The following GRAMD1B variants were observed in gnomAD, a reference collection of about 807,000 sequenced individuals.
GRAMD1B encodes the protein GRAM domain containing 1B.
Under a neutral mutation model 99.7 loss-of-function variants are expected in GRAMD1B, and 37 were observed. That is an observed-to-expected ratio of 0.37 (90% confidence interval 0.29 to 0.49). The LOEUF is 0.49. Among genes scored for constraint, GRAMD1B ranks in the 20% least tolerant of loss-of-function variants. GRAMD1B has a pLI of 0.98. For synonymous variants in GRAMD1B, 427 were observed against 387.6 expected, an observed-to-expected ratio of 1.10 and a Z score of -1.19; for missense variants, 888 against 1,009.2, an observed-to-expected ratio of 0.88 and a Z score of 1.63.
chr11:123,514,716 C>T (rs1184060261), intron 2 of GRAMD1B, among the ~76,000 whole-genome samples: 1 of 152,154 alleles, frequency 6.6e-6, no homozygotes, highest in Non-Finnish European at 1.5e-5. Flanking sequence ...ATAGACACTG[C>T]GAACAGCTGA....
chr11:123,612,850 A>T lies in GRAMD1B; in HGVS notation c.2009A>T (p.Tyr670Phe), dbSNP rs1953776073. The change falls in exon 15 of 20, where the codon TAC becomes TTC. Residue 670 changes from tyrosine to phenylalanine, a missense_variant. Transcript: ENST00000635736. ...AACTTCTGGAGTGGGCTGGAGGACT[A>T]CTTCCGCCATTTAGGTGAGCACTGC... is the stretch of plus-strand genomic sequence containing the variant. ...EKNFWSGLED[Y>F]FRHLESELAK... The T allele has an allele frequency of 1.9e-6, 3 of 1,598,044 alleles. No individual in the cohort carries two copies. Among genetic ancestry groups the T allele is most frequent in the African/African-American group, 2.7e-5 (2 of 74,594 alleles).
chr11:123,433,675 CGTGCGTGT>C lies in GRAMD1B; in HGVS notation c.374+2513_374+2520del, dbSNP rs1452176172. ...CCCACCCCCAACGCTTAAAATGTTA[CGTGCGTGT>C]GTGTGTGTGTGTGTGTGTGTGTGTG... On this transcript the variant is annotated intron_variant, in intron 1 of 19. Transcript: ENST00000635736. Among the ~76,000 whole-genome samples, 34 of 97,090 alleles carry C rather than the reference CGTGCGTGT, an allele frequency of 3.5e-4. 1 individual carries two copies. The highest frequency in any genetic ancestry group is 1.4e-3 in the South Asian group (4 of 2,782). 63.7% of individuals were successfully genotyped at this position (97,090 alleles called of 152,430 possible).
chr11:123,578,296 C>A, intron 3 of GRAMD1B: 1 of 869,644 alleles, frequency 1.1e-6, no homozygotes, highest in South Asian at 1.5e-5. Context: ...TTGGGGACCC[C>A]TGGGAGGCAT....
At chr11:123,546,644 A>G (rs1945066719) in intron 2 of GRAMD1B, among the ~76,000 whole-genome samples, 1 of 152,210 alleles carries the variant, frequency 6.6e-6, no homozygotes, top group Non-Finnish European at 1.5e-5. Context: ...CGAGGAGAGA[A>G]TTCTAATGCC....
rs1490027073 is a variant in GRAMD1B, at chr11:123,584,893, C to T, written c.684+561C>T. Among the ~76,000 whole-genome samples the T allele has an allele frequency of 3.9e-5, 6 of 152,228 alleles. No homozygotes were observed. The East Asian group carries it at 9.7e-4, about 24-fold the overall frequency. ...GGCCACTGTCTAGGTCATCCTGGGGCGCCCTGTGCAGCTGCTGCATACCTA... is the reference window on the plus strand; with the variant it reads ...GGCCACTGTCTAGGTCATCCTGGGGTGCCCTGTGCAGCTGCTGCATACCTA... On this transcript the variant is annotated intron_variant, in intron 4 of 19. Transcript: ENST00000635736.
At chr11:123,398,092 A>G (rs1947531280) in intron 1 of GRAMD1B, among the ~76,000 whole-genome samples, 1 of 152,204 alleles carries the variant, frequency 6.6e-6, no homozygotes, top group Non-Finnish European at 1.5e-5. Context: ...CTCTAGAGAA[A>G]ATACTCAGGA....
intron 2 of GRAMD1B, among the ~76,000 whole-genome samples, chr11:123,505,201 A>AT (rs5795375): frequency 0.97 from 146,357 of 150,798 alleles, 71,121 homozygotes; most frequent in Middle Eastern, 1. Flanking sequence ...AAATATATTA[A>AT]TTTTTTTTTA....
chr11:123,514,067 G>A (rs1941433001), intron 2 of GRAMD1B, among the ~76,000 whole-genome samples: 1 of 152,166 alleles, frequency 6.6e-6, no homozygotes, highest in Non-Finnish European at 1.5e-5. Context: ...GTTCAGTATG[G>A]AGAGTTTAGA....
In GRAMD1B at chr11:123,613,605, C is replaced by G. The variant is rs1414178795; in HGVS notation, c.2174C>G (p.Pro725Arg). 1.2e-6 allele frequency: 2 copies of G among 1,613,866 alleles called. No individual in the cohort carries two copies. Among genetic ancestry groups the G allele is most frequent in the South Asian group, 2.2e-5 (2 of 91,054 alleles). ...CCTCACCTGGAAGAGGTGATGAGCCCGGTCACCACGCCCACAGATGAGGAT... is the reference window on the plus strand; with the variant it reads ...CCTCACCTGGAAGAGGTGATGAGCCGGGTCACCACGCCCACAGATGAGGAT... ...RVPHLEEVMS[P>R]VTTPTDEDVG... is the part of the protein sequence containing the mutation. The change falls in exon 16 of 20, where the codon CCG becomes CGG. Residue 725 changes from proline to arginine, a missense_variant. Pro to Arg is a moderately radical substitution (Grantham distance 103, BLOSUM62 -2). This residue lies in a region of GRAMD1B where 232 missense variants were observed against 261.7 expected (regional missense o/e 0.89). Transcript: ENST00000635736.
chr11:123,371,272 T>C (rs1039810532), intron 1 of GRAMD1B, among the ~76,000 whole-genome samples: 1 of 152,042 alleles, frequency 6.6e-6, no homozygotes, highest in Non-Finnish European at 1.5e-5. Flanking sequence ...GATTAGTTAG[T>C]GTGGGCCTCT....
chr11:123,445,986 T>C (rs1313566890), intron 1 of GRAMD1B, among the ~76,000 whole-genome samples: 4 of 152,116 alleles, frequency 2.6e-5, no homozygotes, highest in Non-Finnish European at 4.4e-5. Flanking sequence ...TCCACACTCA[T>C]GTTCTCTTGT....
chr11:123,413,904 G>T (rs903034050), intron 1 of GRAMD1B, among the ~76,000 whole-genome samples: 5 of 152,162 alleles, frequency 3.3e-5, no homozygotes, highest in Admixed American at 2.0e-4. Flanking sequence ...AGAAAAAAGT[G>T]GTTGTTCTGA....
intron 1 of GRAMD1B, among the ~76,000 whole-genome samples, chr11:123,359,013 C>T (rs1016759132): frequency 2.0e-5 from 3 of 152,162 alleles, no homozygotes; most frequent in South Asian, 2.1e-4. Context: ...GTGTCCCTCA[C>T]CTGAGAGTTT....
In GRAMD1B at chr11:123,533,873, G is replaced by A. The variant is rs140225730; in HGVS notation, c.453-43494G>A. On this transcript the variant is annotated intron_variant, in intron 2 of 19. Coordinates refer to ENST00000635736, the MANE Select transcript of GRAMD1B (RefSeq NM_001387025.1). ...ACACAGCTCAAAAGTGTTTGAGCTG[G>A]TAGTCTGACTTTAGAGTCCATGCTC... 7.9e-5 allele frequency among the ~76,000 whole-genome samples: 12 copies of A among 152,352 alleles called. No individual in the cohort carries two copies. In the East Asian group the frequency reaches 2.3e-3, roughly 29 times the overall value.
At chr11:123,423,848 T>C (rs1372467700) in intron 1 of GRAMD1B, among the ~76,000 whole-genome samples, 1 of 152,188 alleles carries the variant, frequency 6.6e-6, no homozygotes, top group Non-Finnish European at 1.5e-5. Context: ...ATAGGGCTTT[T>C]GATATTTATT....
Position 123,608,666 on chromosome 11 carries a change from C to T in GRAMD1B, c.1521C>T (p.Val507=), listed in dbSNP as rs1418680320. 1.3e-6 allele frequency: 2 copies of T among 1,577,722 alleles called. No individual in the cohort carries two copies. Among genetic ancestry groups the T allele is most frequent in the Non-Finnish European group, 1.7e-6 (2 of 1,160,658 alleles). ...DSSDTHDEGE[V]QAFYEDLSGR... is the part of the protein sequence containing the mutation. ...ATCCTCTCTTCTGTGCAGGAGAGGT[C>T]CAGGCCTTCTATGAGGACCTGAGTG... The change falls in exon 12 of 20, where the codon GTC becomes GTT. Residue 507 remains valine (V), a synonymous_variant. Transcript: ENST00000635736.
intron 11 of GRAMD1B, chr11:123,608,226 C>T (rs899213050): frequency 6.7e-6 from 3 of 448,424 alleles, no homozygotes; most frequent in African/African-American, 2.0e-5. Flanking sequence ...TACGTTCCCT[C>T]GAACAGACCT....
intron 18 of GRAMD1B, 87 bp downstream of exon 18, chr11:123,618,887 C>T: frequency 1.3e-6 from 1 of 769,808 alleles, no homozygotes; most frequent in Non-Finnish European, 2.3e-6. Context: ...GACTGCCTCA[C>T]TGCCCTTCCC....
intron 2 of GRAMD1B, among the ~76,000 whole-genome samples, chr11:123,483,036 G>GA (rs67195021): frequency 0.016 from 2,216 of 142,626 alleles, 21 homozygotes; most frequent in African/African-American, 0.039. Context: ...AGATTGGGTG[G>GA]AAAAAAAAAA....
Sources: gnomAD v4.1 joint callset for allele counts (sites outside exome capture counted in the v4.1 genomes callset) on GRCh38, gnomAD v4.1.1 for gene constraint, gnomAD v4.1.1 regional missense constraint, MANE v1.5 for transcripts, NCBI Gene and HGNC (gene_info 2026-07-23, HGNC 2026-07-21) for gene names.